RYR3: variants seen among roughly 807,000 people sequenced by gnomAD.
RYR3 encodes ryanodine receptor 3.
A neutral mutation model predicts 584.3 loss-of-function variants in RYR3; 207 were observed. That is an observed-to-expected ratio of 0.35 (90% CI 0.32 to 0.40). The LOEUF is 0.40. Ranked by LOEUF, RYR3 falls within the 10% of genes least tolerant of loss-of-function variation. The pLI is 1.00. For synonymous variants in RYR3, 2,416 were observed against 2,248.5 expected (o/e 1.07, Z -2.11); for missense variants, 5,616 against 6,089.2 (o/e 0.92, Z 2.59).
chr15:33,473,781 G>C (rs2049140452), intron 2 of RYR3, among the ~76,000 whole-genome samples: 1 of 152,172 alleles, frequency 6.6e-6, no homozygotes, highest in Non-Finnish European at 1.5e-5. Context: ...CCAGGACTCT[G>C]GGGAGGCTTT....
At chr15:33,848,788 T>C (rs1567314068) in intron 94 of RYR3, among the ~76,000 whole-genome samples, 1 of 149,736 alleles carries the variant, frequency 6.7e-6, no homozygotes, top group Non-Finnish European at 1.5e-5. Flanking sequence ...TAGCCTTCCA[T>C]GGCACAGCAC....
At chr15:33,447,642 A>G (rs1317102949) in intron 1 of RYR3, among the ~76,000 whole-genome samples, 1 of 152,196 alleles carries the variant, frequency 6.6e-6, no homozygotes, top group Non-Finnish European at 1.5e-5. Flanking sequence ...GATGGAGGCC[A>G]CTAGCTACAT....
At chr15:33,384,559 T>C (rs2041447955) in intron 1 of RYR3, among the ~76,000 whole-genome samples, 1 of 143,684 alleles carries the variant, frequency 7.0e-6, no homozygotes, top group Non-Finnish European at 1.5e-5. Flanking sequence ...TAAATTAATA[T>C]ATACTTACGG....
rs1224401849 is a variant in RYR3 at position 33,663,659 on chromosome 15, G to T, written c.5541G>T (p.Glu1847Asp). ...CAAATCAGAAGTTCCGCTACAATGA[G>T]CTCATGCAGGCCCTGAACATGTCTG... is the stretch of plus-strand genomic sequence containing the variant. ...LQANQKFRYN[E>D]LMQALNMSAA... The change falls in exon 36 of 104, where the codon GAG becomes GAT. Residue 1847 changes from glutamate to aspartate, a missense_variant. Around this residue, in one of 9 missense-constraint regions of RYR3, gnomAD observed 1,280 missense variants for 1,426.2 expected, o/e 0.90. Coordinates refer to ENST00000634891, the MANE Select transcript of RYR3 (RefSeq NM_001036.6). The T allele has an allele frequency of 1.9e-6, 3 of 1,613,006 alleles. No individual in the cohort carries two copies. The highest frequency in any genetic ancestry group is 3.3e-5 in the Admixed American group (2 of 59,958).
intron 1 of RYR3, among the ~76,000 whole-genome samples, chr15:33,395,102 G>T (rs1273965107): frequency 6.6e-6 from 1 of 152,176 alleles, no homozygotes; most frequent in Non-Finnish European, 1.5e-5. Context: ...TTATTCCAAG[G>T]ACTGTGAACT....
chr15:33,791,170 G>A (rs547616327), intron 67 of RYR3, among the ~76,000 whole-genome samples: 56 of 152,210 alleles, frequency 3.7e-4, no homozygotes, highest in Non-Finnish European at 7.1e-4. Flanking sequence ...CAGAAATGTG[G>A]CCAAGAGAGG....
At chr15:33,363,226 G>T (rs1012993019) in intron 1 of RYR3, among the ~76,000 whole-genome samples, 4 of 152,120 alleles carry the variant, frequency 2.6e-5, no homozygotes, top group African/African-American at 9.7e-5. Context: ...TTTTGCAGAG[G>T]CTCACTTAGC....
At chr15:33,597,212 A>G (rs556211912) in intron 16 of RYR3, among the ~76,000 whole-genome samples, 1 of 152,348 alleles carries the variant, frequency 6.6e-6, no homozygotes, top group East Asian at 1.9e-4. Flanking sequence ...TTTGGCAGGG[A>G]TAAGTATGAA....
At chr15:33,540,366 G>A (rs1303140879) in intron 6 of RYR3, among the ~76,000 whole-genome samples, 1 of 152,060 alleles carries the variant, frequency 6.6e-6, no homozygotes, top group East Asian at 1.9e-4. Flanking sequence ...CACTTGTCTG[G>A]GGGTGGGGAT....
intron 1 of RYR3, among the ~76,000 whole-genome samples, chr15:33,431,365 T>C (rs879824106): frequency 1.3e-4 from 20 of 152,186 alleles, no homozygotes; most frequent in Non-Finnish European, 1.6e-4. Context: ...TGAGATACCA[T>C]ATAGTTTCTG....
intron 19 of RYR3, among the ~76,000 whole-genome samples, chr15:33,613,894 T>C (rs903349347): frequency 2.0e-5 from 3 of 152,226 alleles, no homozygotes; most frequent in African/African-American, 7.2e-5. Context: ...AAAATGATTT[T>C]ATAGCCATAT....
chr15:33,857,100 A>G (rs1325363801), intron 98 of RYR3, among the ~76,000 whole-genome samples: 5 of 152,122 alleles, frequency 3.3e-5, no homozygotes, highest in African/African-American at 9.7e-5. Flanking sequence ...GTTCCTTTAT[A>G]TTTTACTTAC....
intron 99 of RYR3, 93 bp downstream of exon 99, chr15:33,858,007 C>T (rs2079883444): frequency 6.6e-7 from 1 of 1,513,958 alleles, no homozygotes; most frequent in African/African-American, 1.4e-5. Flanking sequence ...TGGGGGTGCT[C>T]TTGAGAACTG....
intron 67 of RYR3, among the ~76,000 whole-genome samples, chr15:33,793,983 AAT>A (rs66543422): frequency 0.57 from 76,002 of 133,322 alleles, 23,985 homozygotes; most frequent in East Asian, 0.96. Context: ...TATATAAATA[AAT>A]ATATAAATAC....
chr15:33,471,928 C>T (rs140386946), intron 1 of RYR3, among the ~76,000 whole-genome samples: 1 of 152,084 alleles, frequency 6.6e-6, no homozygotes, highest in Non-Finnish European at 1.5e-5. Flanking sequence ...ATCCTAACGC[C>T]CCTGGTTGAT....
At chr15:33,456,505 A>G (rs778580054) in intron 1 of RYR3, among the ~76,000 whole-genome samples, 1 of 152,178 alleles carries the variant, frequency 6.6e-6, no homozygotes, top group Non-Finnish European at 1.5e-5. Context: ...CTTCCCTTGC[A>G]AAGAGAGCAG....
intron 38 of RYR3, among the ~76,000 whole-genome samples, chr15:33,691,690 T>G (rs2065448739): frequency 6.6e-6 from 1 of 152,212 alleles, no homozygotes; most frequent in Non-Finnish European, 1.5e-5. Flanking sequence ...CTTTACTTCT[T>G]TTCTTTCTCT....
chr15:33,676,499 A>G (rs751892016), intron 38 of RYR3, among the ~76,000 whole-genome samples: 37 of 152,242 alleles, frequency 2.4e-4, no homozygotes, highest in Non-Finnish European at 5.9e-5. Context: ...CCTGGCACCC[A>G]GTTAGAAATG....
chr15:33,643,049 A>G (rs753665857), intron 27 of RYR3, among the ~76,000 whole-genome samples: 8 of 152,220 alleles, frequency 5.3e-5, no homozygotes, highest in Non-Finnish European at 8.8e-5. Context: ...ATAATAGTAT[A>G]TAAGCCTCCC....
Sources: allele counts gnomAD v4.1 joint callset (sites outside exome capture counted in the v4.1 genomes callset), GRCh38; gene constraint gnomAD v4.1.1; regional missense constraint gnomAD v4.1.1; transcripts MANE v1.5; gene names NCBI Gene and HGNC (gene_info 2026-07-23, HGNC 2026-07-21).